Variants in ZFR observed in about 807,000 individuals in gnomAD.
ZFR encodes zinc finger RNA-binding protein.
Under a neutral mutation model 130.7 loss-of-function variants are expected in ZFR, and 19 were observed. That is an observed-to-expected ratio of 0.15 (90% CI 0.10 to 0.21). ZFR has a LOEUF of 0.21. Ranked by LOEUF, ZFR falls within the 10% of genes least tolerant of loss-of-function variation. The pLI is 1.00. For synonymous variants in ZFR, 466 were observed against 456.9 expected (o/e 1.02, Z -0.25); for missense variants, 872 against 1,321.5 (o/e 0.66, Z 5.27).
Position 32,427,526 on chromosome 5 carries a change from G to T in ZFR, c.138-7423C>A, listed in dbSNP as rs1354232398. Among the ~76,000 whole-genome samples, 4 of 152,026 alleles carry T rather than the reference G, an allele frequency of 2.6e-5. No homozygotes were observed. The South Asian group carries it at 8.3e-4, about 31-fold the overall frequency. ...AAATGGAAAGACATCCCATGTTCAC[G>T]GATTAGAAGGCAAACTATTGTTAAG... is the stretch of plus-strand genomic sequence containing the variant. On this transcript the variant is annotated intron_variant, in intron 2 of 19. Transcript: ENST00000265069.
rs1298655664 is a variant in ZFR, at chr5:32,440,681, GA to G, written c.137+3547del. Among the ~76,000 whole-genome samples the G allele has an allele frequency of 7.2e-3, 1,071 of 148,962 alleles. 13 individuals are homozygous for G. Among genetic ancestry groups the G allele is most frequent in the African/African-American group, 0.021 (836 of 40,690 alleles). ...AAAAAAAACAAAAAATACAAAACAG[GA>G]AAAAAAAAATTCCATAGTTTATGGG... On this transcript the variant is annotated intron_variant, in intron 2 of 19. Transcript: ENST00000265069.
chr5:32,416,289 C>G (rs892906848), intron 4 of ZFR, among the ~76,000 whole-genome samples: 2 of 152,164 alleles, frequency 1.3e-5, no homozygotes, highest in Non-Finnish European at 2.9e-5. Flanking sequence ...AGGAAGTTTA[C>G]TATAAATTAT....
chr5:32,402,469 T>C (rs1233481614), intron 8 of ZFR, among the ~76,000 whole-genome samples: 1 of 151,640 alleles, frequency 6.6e-6, no homozygotes, highest in African/African-American at 2.4e-5. Flanking sequence ...AGTACAGACG[T>C]AGAGAAAAAA....
chr5:32,400,128 A>T lies in ZFR; in HGVS notation c.1592T>A (p.Val531Asp). The stretch of plus-strand genomic sequence containing the variant: ...TTCAGGAATCTGCACAGCAGAAGTG[A>T]CAGGAGTACTTTTAACACATTCGGT... ...KGTECVKSTP[V>D]TSAVQIPEVK... The change falls in exon 9 of 20, where the codon GTC (valine) becomes GAC (aspartate). Residue 531 changes from valine to aspartate, a missense_variant. Transcript: ENST00000265069. 1 of 1,613,542 alleles carries T rather than the reference A, an allele frequency of 6.2e-7. No homozygotes were observed. The highest frequency in any genetic ancestry group is 8.5e-7 in the Non-Finnish European group (1 of 1,179,598).
intron 17 of ZFR, among the ~76,000 whole-genome samples, chr5:32,375,827 G>T (rs550183009): frequency 6.7e-6 from 1 of 149,826 alleles, no homozygotes; most frequent in African/African-American, 2.5e-5. Context: ...TTCATCTATC[G>T]ATTTATAGTT....
rs528373386 is a variant in ZFR at position 32,422,612 on chromosome 5, C to T, written c.138-2509G>A. Among the ~76,000 whole-genome samples the T allele has an allele frequency of 1.3e-4, 20 of 151,792 alleles. No homozygotes were observed. In the East Asian group the frequency reaches 3.7e-3, roughly 28 times the overall value. ...AGGAGTTTGAGACCAGCCTGGGCAA[C>T]GTAGAAAGACCACATCTCTACAGAA... On this transcript the variant is annotated intron_variant, in intron 2 of 19. Transcript: ENST00000265069.
chr5:32,360,157 TAC>T (rs898746453), intron 19 of ZFR, among the ~76,000 whole-genome samples: 1 of 152,202 alleles, frequency 6.6e-6, no homozygotes, highest in African/African-American at 2.4e-5. Context: ...AAGGAAATTT[TAC>T]AGTCACTTGA....
In ZFR at chr5:32,415,828, G is replaced by A. The variant is rs1753814811; in HGVS notation, c.566-641C>T. ...TCAAAACAATGTATATTTTGAAAGA[G>A]TCTTAGAAGCCTTATGACTAAATTA... On this transcript the variant is annotated intron_variant, in intron 4 of 19. Transcript: ENST00000265069. Among the ~76,000 whole-genome samples the A allele has an allele frequency of 2.0e-5, 3 of 152,138 alleles. No individual in the cohort carries two copies. In the South Asian group the frequency reaches 6.2e-4, roughly 32 times the overall value.
chr5:32,377,218 C>CTT (rs571009883), intron 17 of ZFR, among the ~76,000 whole-genome samples: 1 of 149,484 alleles, frequency 6.7e-6, no homozygotes, highest in Non-Finnish European at 1.5e-5. Context: ...TTCTCTTTCT[C>CTT]TCTCTCTCTC....
At chr5:32,394,965 G>C (rs1207887226) in intron 11 of ZFR, among the ~76,000 whole-genome samples, 194 bp downstream of exon 11, 1 of 151,974 alleles carries the variant, frequency 6.6e-6, no homozygotes, top group South Asian at 2.1e-4. Context: ...TAATACCAAG[G>C]CCACAGTAAA....
intron 3 of ZFR, 106 bp from the exon 4 acceptor site, chr5:32,417,898 G>A (rs1271373720): frequency 9.9e-6 from 10 of 1,005,122 alleles, no homozygotes; most frequent in Non-Finnish European, 3.0e-6. Flanking sequence ...TAAATACGTA[G>A]TTTCATGACA....
intron 14 of ZFR, 146 bp downstream of exon 14, chr5:32,387,403 T>C: frequency 1.2e-6 from 1 of 805,138 alleles, no homozygotes; most frequent in Non-Finnish European, 1.9e-6. Flanking sequence ...TTTCATCAGT[T>C]TGCACAATCA....
At chr5:32,428,221 C>A (rs922290010) in intron 2 of ZFR, among the ~76,000 whole-genome samples, 1 of 152,136 alleles carries the variant, frequency 6.6e-6, no homozygotes, top group Non-Finnish European at 1.5e-5. Flanking sequence ...CGAGACCAGT[C>A]TGGCCAACAT....
At chr5:32,411,308 AAG>A (rs779152351) in intron 5 of ZFR, among the ~76,000 whole-genome samples, 26 of 152,224 alleles carry the variant, frequency 1.7e-4, no homozygotes, top group Admixed American at 7.9e-4. Flanking sequence ...GTGAGCCTCA[AAG>A]AGAGAAATGA....
chr5:32,419,125 T>C (rs1753896641), intron 3 of ZFR, among the ~76,000 whole-genome samples: 1 of 152,212 alleles, frequency 6.6e-6, no homozygotes, highest in Non-Finnish European at 1.5e-5. Context: ...ATAGGAGACA[T>C]ACCTGTGTTC....
chr5:32,442,835 T>C (rs141442706), intron 2 of ZFR, among the ~76,000 whole-genome samples: 577 of 152,226 alleles, frequency 3.8e-3, no homozygotes, highest in Middle Eastern at 6.8e-3. Flanking sequence ...CCCAAAAAGA[T>C]AGTTTGCCCA....
chr5:32,386,820 C>T (rs1300396673), intron 14 of ZFR, among the ~76,000 whole-genome samples: 2 of 152,120 alleles, frequency 1.3e-5, no homozygotes, highest in East Asian at 3.8e-4. Context: ...CTGTAGAATA[C>T]ATGTTACCAA....
chr5:32,405,909 T>G (rs1330636115), intron 6 of ZFR, among the ~76,000 whole-genome samples: 1 of 152,116 alleles, frequency 6.6e-6, no homozygotes, highest in African/African-American at 2.4e-5. Flanking sequence ...CCCCCCAAAA[T>G]TCAGAAGTAG....
At chr5:32,423,570 T>C (rs1754002335) in intron 2 of ZFR, among the ~76,000 whole-genome samples, 2 of 151,670 alleles carry the variant, frequency 1.3e-5, no homozygotes, top group Non-Finnish European at 2.9e-5. Context: ...GATAAATATA[T>C]GAAAAATACA....
Sources: allele counts gnomAD v4.1 joint callset (sites outside exome capture counted in the v4.1 genomes callset), GRCh38; gene constraint gnomAD v4.1.1; transcripts MANE v1.5; gene names NCBI Gene and HGNC (gene_info 2026-07-23, HGNC 2026-07-21).